GAP43: variants seen among roughly 807,000 people sequenced by gnomAD.
GAP43 encodes growth associated protein 43.
A neutral mutation model predicts 18.6 loss-of-function variants in GAP43; 6 were observed. The ratio of observed to expected loss-of-function variants is 0.32; its 90% confidence interval spans 0.18 to 0.64. The LOEUF (loss-of-function observed/expected upper bound fraction) is 0.64, where lower values mean the gene tolerates loss of function less well. Among genes scored for constraint, GAP43 ranks in the 30% least tolerant of loss-of-function variants. The pLI is 0.78. For synonymous variants in GAP43, 115 were observed against 111.4 expected (o/e 1.03, Z -0.20); for missense variants, 292 against 295.5 (o/e 0.99, Z 0.09).
At chr3:115,663,275 C>T (rs1468956301) in intron 1 of GAP43, among the ~76,000 whole-genome samples, 1 of 152,162 alleles carries the variant, frequency 6.6e-6, no homozygotes, top group East Asian at 1.9e-4. Context: ...AAGTAAAAAG[C>T]AATGTTTAAT....
At chr3:115,668,016 A>G (rs1338114992) in intron 1 of GAP43, among the ~76,000 whole-genome samples, 1 of 152,156 alleles carries the variant, frequency 6.6e-6, no homozygotes, top group African/African-American at 2.4e-5. Context: ...TGCTTCTGTA[A>G]TGGGCAGTGT....
intron 2 of GAP43, among the ~76,000 whole-genome samples, chr3:115,688,245 C>T (rs1396887202): frequency 6.6e-6 from 1 of 152,086 alleles, no homozygotes; most frequent in African/African-American, 2.4e-5. Flanking sequence ...TCTCAAGCTC[C>T]TGGCCTCAAG....
At chr3:115,704,123 A>G (rs1376523039) in intron 2 of GAP43, among the ~76,000 whole-genome samples, 1 of 152,088 alleles carries the variant, frequency 6.6e-6, no homozygotes, top group African/African-American at 2.4e-5. Context: ...ACATGCAAGT[A>G]TATAATGCAA....
intron 2 of GAP43, among the ~76,000 whole-genome samples, chr3:115,718,225 A>G (rs1009311435): frequency 2.0e-5 from 3 of 152,102 alleles, no homozygotes; most frequent in African/African-American, 7.2e-5. Flanking sequence ...TATTATGTTT[A>G]TTTTGCAGTT....
intron 2 of GAP43, among the ~76,000 whole-genome samples, chr3:115,684,131 T>A (rs1576993482): frequency 6.6e-6 from 1 of 152,218 alleles, no homozygotes; most frequent in African/African-American, 2.4e-5. Flanking sequence ...GAAGGCTTTT[T>A]GCCTTTCTTT....
At chr3:115,649,447 T>C (rs1330946113) in intron 1 of GAP43, among the ~76,000 whole-genome samples, 1 of 152,030 alleles carries the variant, frequency 6.6e-6, no homozygotes, top group Non-Finnish European at 1.5e-5. Flanking sequence ...AAAGATGCTA[T>C]TTTTCAAGGT....
chr3:115,719,650 T>C (rs1001686400), intron 2 of GAP43, among the ~76,000 whole-genome samples: 3 of 152,234 alleles, frequency 2.0e-5, no homozygotes, highest in African/African-American at 7.2e-5. Flanking sequence ...GAAATTTGTT[T>C]GGTTTCCTCC....
At chr3:115,631,575 A>T (rs1215756095) in intron 1 of GAP43, among the ~76,000 whole-genome samples, 1 of 152,188 alleles carries the variant, frequency 6.6e-6, no homozygotes, top group Non-Finnish European at 1.5e-5. Context: ...TATAGAATAC[A>T]CACATTCCCC....
intron 1 of GAP43, among the ~76,000 whole-genome samples, chr3:115,647,998 T>C (rs959307482): frequency 6.6e-6 from 1 of 152,060 alleles, no homozygotes; most frequent in African/African-American, 2.4e-5. Flanking sequence ...TGCAGACTTT[T>C]TGAAGAAAAA....
intron 1 of GAP43, among the ~76,000 whole-genome samples, chr3:115,628,648 TG>T (rs1473497442): frequency 9.9e-5 from 15 of 152,166 alleles, no homozygotes; most frequent in African/African-American, 3.4e-4. Context: ...TGGGTCTGCA[TG>T]ATATTAATAG....
At chr3:115,684,564 G>GT (rs28399397) in intron 2 of GAP43, among the ~76,000 whole-genome samples, 1,528 of 151,902 alleles carry the variant, frequency 0.01, 16 homozygotes, top group African/African-American at 0.034. Flanking sequence ...TGGAAGAACG[G>GT]TAAGTTCCAC....
At position 115,679,667 on chromosome 3, in the gene GAP43, A is replaced by G. The variant is rs191045583; in HGVS notation, c.628+3057A>G. 5.9e-5 allele frequency among the ~76,000 whole-genome samples: 9 copies of G among 152,248 alleles called. No homozygotes were observed. The East Asian group carries it at 1.4e-3, about 23-fold the overall frequency. Reference sequence around the variant, plus strand: ...GTGTCACTGTGCTCATTGGCTCTCAATGAAGGAATTCTCTCTTACGTCTCC... The same window carrying G: ...GTGTCACTGTGCTCATTGGCTCTCAGTGAAGGAATTCTCTCTTACGTCTCC... On this transcript the variant is annotated intron_variant, in intron 2 of 2. Transcript: ENST00000305124.
At chr3:115,692,500 G>C (rs1411794637) in intron 2 of GAP43, among the ~76,000 whole-genome samples, 1 of 152,160 alleles carries the variant, frequency 6.6e-6, no homozygotes, top group East Asian at 1.9e-4. Context: ...TACCAGTATA[G>C]AACAAAATAA....
intron 1 of GAP43, among the ~76,000 whole-genome samples, chr3:115,641,508 AT>A (rs1198510194): frequency 8.4e-6 from 1 of 118,958 alleles, no homozygotes; most frequent in African/African-American, 3.4e-5. Context: ...ACATATATAT[AT>A]TCACACACAC....
chr3:115,638,485 TC>T (rs1394147424), intron 1 of GAP43, among the ~76,000 whole-genome samples: 1 of 151,724 alleles, frequency 6.6e-6, no homozygotes, highest in Non-Finnish European at 1.5e-5. Context: ...CTGAGTGGTG[TC>T]CAAGTCACTC....
chr3:115,719,570 T>C (rs1709552100), intron 2 of GAP43, among the ~76,000 whole-genome samples: 1 of 152,192 alleles, frequency 6.6e-6, no homozygotes, highest in South Asian at 2.1e-4. Context: ...ACATCTTCCA[T>C]GTGTTATGGT....
At chr3:115,673,194 A>G (rs1303922867) in intron 1 of GAP43, among the ~76,000 whole-genome samples, 1 of 152,226 alleles carries the variant, frequency 6.6e-6, no homozygotes, top group African/African-American at 2.4e-5. Context: ...CTGATTTTTT[A>G]GAAAATTGAA....
chr3:115,631,689 C>T (rs1708261171), intron 1 of GAP43, among the ~76,000 whole-genome samples: 1 of 151,992 alleles, frequency 6.6e-6, no homozygotes. Context: ...GGTGTGATCT[C>T]GACTCACTGC....
rs147631202 is a variant in GAP43, at chr3:115,632,828, A to G, written c.30+9109A>G. Among the ~76,000 whole-genome samples, 169 of 152,254 alleles carry G rather than the reference A, an allele frequency of 1.1e-3. 1 individual carries two copies. Among genetic ancestry groups the G allele is most frequent in the African/African-American group, 3.9e-3 (163 of 41,566 alleles). ...AATAAACTGGTGTCCAGAAGGAAAT[A>G]ATGATTTCTTTAATTATATTTATAT... is the stretch of plus-strand genomic sequence containing the variant. On this transcript the variant is annotated intron_variant, in intron 1 of 2. Transcript: ENST00000305124.
Sources: gnomAD v4.1 joint callset for allele counts (sites outside exome capture counted in the v4.1 genomes callset) on GRCh38, gnomAD v4.1.1 for gene constraint, MANE v1.5 for transcripts, NCBI Gene and HGNC (gene_info 2026-07-23, HGNC 2026-07-21) for gene names.